Variants in CLMN observed in about 807,000 individuals in gnomAD.
CLMN encodes calmin.
A neutral mutation model predicts 92.7 loss-of-function variants in CLMN; 57 were observed. That is an observed-to-expected ratio of 0.61 (90% CI 0.50 to 0.77). The LOEUF (loss-of-function observed/expected upper bound fraction) is 0.77, where lower values mean the gene tolerates loss of function less well. Among genes scored for constraint, CLMN ranks in the 30% least tolerant of loss-of-function variants. CLMN has a pLI of 0.00. For missense variants in CLMN, 1,158 were observed against 1,237.5 expected (o/e 0.94, Z 0.96); for synonymous variants, 466 against 470.6 (o/e 0.99, Z 0.13).
intron 1 of CLMN, among the ~76,000 whole-genome samples, chr14:95,283,163 C>T (rs1224369822): frequency 6.6e-6 from 1 of 152,218 alleles, no homozygotes; most frequent in Non-Finnish European, 1.5e-5. Flanking sequence ...CTGTATTTCC[C>T]ATGCTATTCT....
intron 5 of CLMN, 64 bp downstream of exon 5, chr14:95,215,577 C>A: frequency 7.0e-7 from 1 of 1,426,356 alleles, no homozygotes; most frequent in Non-Finnish European, 9.9e-7. Context: ...GCCCCACTCT[C>A]TTCTGTGGCT....
intron 1 of CLMN, among the ~76,000 whole-genome samples, chr14:95,279,086 T>A (rs896039573): frequency 6.6e-6 from 1 of 152,328 alleles, no homozygotes; most frequent in East Asian, 1.9e-4. Context: ...GTGTGTGATG[T>A]TTATATAAAA....
chr14:95,245,202 TATATATTATATA>T (rs1898443527), intron 1 of CLMN, among the ~76,000 whole-genome samples: 1 of 32,202 alleles, frequency 3.1e-5, no homozygotes, highest in African/African-American at 1.5e-4. Context: ...ATAATATATA[TATATATTATATA>T]TATATATATA....
intron 1 of CLMN, among the ~76,000 whole-genome samples, chr14:95,313,801 G>A (rs1204445607): frequency 6.6e-6 from 1 of 152,210 alleles, no homozygotes; most frequent in Non-Finnish European, 1.5e-5. Context: ...GGCTTGTCGG[G>A]CAGAGGGACT....
In CLMN at chr14:95,290,132, G is replaced by A. The variant is rs145764710; in HGVS notation, c.82+29579C>T. On this transcript the variant is annotated intron_variant, in intron 1 of 12. Coordinates refer to ENST00000298912, the MANE Select transcript of CLMN (RefSeq NM_024734.4). ...TGCCTCCAATCCAAGGCTGTTTCTC[G>A]TTGACACCTGCAGAGCCCTTCACAG... 7.0e-4 allele frequency among the ~76,000 whole-genome samples: 107 copies of A among 152,310 alleles called. 2 individuals are homozygous for A. In the East Asian group the frequency reaches 0.017, roughly 24 times the overall value.
In CLMN at chr14:95,204,112, C is replaced by G. The variant is rs751961790; in HGVS notation, c.1237G>C (p.Glu413Gln). Reference sequence around the variant, plus strand: ...GGCAAAGAGTTGGACCTCCCGTTCTCCTTTCTGGATGATAAAATGGAGGAT... The same window carrying G: ...GGCAAAGAGTTGGACCTCCCGTTCTGCTTTCTGGATGATAAAATGGAGGAT... The part of the protein sequence containing the change: ...PESSILSSRK[E>Q]NGRSNSLPIK... Residue 413 changes from glutamate to glutamine, a missense_variant, in exon 9 of 13, where the codon GAG becomes CAG. Coordinates refer to ENST00000298912, the MANE Select transcript of CLMN (RefSeq NM_024734.4). 3 of 1,614,166 alleles carry G rather than the reference C, an allele frequency of 1.9e-6. No homozygotes were observed. The South Asian group carries it at 3.3e-5, about 18-fold the overall frequency.
intron 1 of CLMN, among the ~76,000 whole-genome samples, chr14:95,310,727 G>C (rs1901500277): frequency 6.6e-6 from 1 of 152,206 alleles, no homozygotes. Context: ...GTCCAGGAGG[G>C]CACACACAGG....
At chr14:95,250,678 G>C (rs1898745426) in intron 1 of CLMN, among the ~76,000 whole-genome samples, 1 of 152,224 alleles carries the variant, frequency 6.6e-6, no homozygotes, top group South Asian at 2.1e-4. Context: ...AAGAGCTACA[G>C]AGCATGTCAT....
rs1896529471 is a variant in CLMN at position 95,190,262 on chromosome 14, A to C, written c.*1302T>G. ...GTGTGCCCAGTGGAAGTTTCCTACAAGGGGTGACAGCTCTGGACAGGGCAT... is the reference window on the plus strand; with the variant it reads ...GTGTGCCCAGTGGAAGTTTCCTACACGGGGTGACAGCTCTGGACAGGGCAT... On this transcript the variant is annotated 3_prime_UTR_variant, in exon 13 of 13. Coordinates refer to ENST00000298912, the MANE Select transcript of CLMN (RefSeq NM_024734.4). 1 of 152,216 alleles carries C rather than the reference A, an allele frequency of 6.6e-6. No homozygotes were observed. The highest frequency in any genetic ancestry group is 1.5e-5 in the Non-Finnish European group (1 of 68,064). 9.4% of individuals were successfully genotyped at this position (152,216 alleles called of 1,614,324 possible). A position where few individuals can be genotyped will look rare whatever the true frequency, so the allele number is the denominator to read the frequency against.
intron 1 of CLMN, among the ~76,000 whole-genome samples, chr14:95,285,429 G>C (rs1265514731): frequency 1.3e-5 from 2 of 152,190 alleles, no homozygotes; most frequent in Non-Finnish European, 1.5e-5. Flanking sequence ...AGGAGAGTAT[G>C]AAATTTAAAT....
intron 1 of CLMN, among the ~76,000 whole-genome samples, chr14:95,319,303 T>TCTCACACA (rs1471116573): frequency 6.9e-6 from 1 of 144,108 alleles, no homozygotes; most frequent in Non-Finnish European, 1.5e-5. Context: ...GTGCGCGAAC[T>TCTCACACA]CACACACACA....
intron 2 of CLMN, among the ~76,000 whole-genome samples, chr14:95,224,457 G>A (rs939802233): frequency 4.8e-4 from 73 of 151,862 alleles, no homozygotes; most frequent in African/African-American, 1.7e-3. Flanking sequence ...TAATTTTTGT[G>A]GTTTTAGTAG....
intron 1 of CLMN, among the ~76,000 whole-genome samples, chr14:95,291,192 A>G (rs577123216): frequency 6.6e-6 from 1 of 152,316 alleles, no homozygotes; most frequent in African/African-American, 2.4e-5. Context: ...TGATGACAAC[A>G]TTCACCCACC....
intron 1 of CLMN, among the ~76,000 whole-genome samples, chr14:95,285,549 G>A (rs1200574922): frequency 6.6e-6 from 1 of 152,120 alleles, no homozygotes; most frequent in East Asian, 1.9e-4. Context: ...CACAAGCTAG[G>A]GAAACACTGG....
At chr14:95,217,695 G>A (rs898181359) in intron 4 of CLMN, among the ~76,000 whole-genome samples, 5 of 152,234 alleles carry the variant, frequency 3.3e-5, no homozygotes, top group African/African-American at 1.2e-4. Context: ...AATCAAAGCC[G>A]CTAGTCAACT....
At chr14:95,238,428 A>G (rs1017122359) in intron 1 of CLMN, among the ~76,000 whole-genome samples, 2 of 147,046 alleles carry the variant, frequency 1.4e-5, no homozygotes, top group South Asian at 2.1e-4. Context: ...CAAGGCCTCC[A>G]TGTGGTTTTT....
chr14:95,213,171 A>G (rs757372425), intron 6 of CLMN, 48 bp downstream of exon 6: 4 of 1,574,774 alleles, frequency 2.5e-6, no homozygotes, highest in Non-Finnish European at 3.5e-6. Context: ...CTCTGCCTGA[A>G]AGCAGCTAGT....
At chr14:95,289,744 G>A (rs1900490229) in intron 1 of CLMN, among the ~76,000 whole-genome samples, 1 of 152,130 alleles carries the variant, frequency 6.6e-6, no homozygotes, top group South Asian at 2.1e-4. Context: ...CCTCTCGGCT[G>A]TTGTCCTCTC....
chr14:95,295,163 C>T (rs1382186249), intron 1 of CLMN, among the ~76,000 whole-genome samples: 1 of 152,162 alleles, frequency 6.6e-6, no homozygotes, highest in East Asian at 1.9e-4. Flanking sequence ...ATAATAAGCT[C>T]GATGCAATTT....
Sources: gnomAD v4.1 joint callset for allele counts (sites outside exome capture counted in the v4.1 genomes callset) on GRCh38, gnomAD v4.1.1 for gene constraint, MANE v1.5 for transcripts, NCBI Gene and HGNC (gene_info 2026-07-23, HGNC 2026-07-21) for gene names.